HTR2A: variants seen among roughly 807,000 people sequenced by gnomAD.
The protein encoded by HTR2A is 5-HT2 receptor.
A neutral mutation model predicts 31.0 loss-of-function variants in HTR2A; 14 were observed. The observed-to-expected ratio is 0.45, with a 90% CI of 0.30 to 0.71. The LOEUF is 0.71. Ranked by LOEUF, HTR2A falls within the 30% of genes least tolerant of loss-of-function variation. HTR2A has a pLI of 0.09. For synonymous variants in HTR2A, 209 were observed against 225.2 expected, an observed-to-expected ratio of 0.93 and a Z score of 0.64; for missense variants, 442 against 573.3, an observed-to-expected ratio of 0.77 and a Z score of 2.34.
At chr13:46,889,845 ATT>A (rs1281362215) in intron 3 of HTR2A, among the ~76,000 whole-genome samples, 7 of 152,250 alleles carry the variant, frequency 4.6e-5, no homozygotes, top group Non-Finnish European at 7.3e-5. Flanking sequence ...TAGGTCCTTC[ATT>A]AGATCTGCCT....
chr13:46,878,712 A>C (rs190026496), intron 3 of HTR2A, among the ~76,000 whole-genome samples: 16 of 152,328 alleles, frequency 1.1e-4, no homozygotes. Flanking sequence ...ATGTGAAGAA[A>C]TCAGTCCACA....
At position 46,896,823 on chromosome 13, in the gene HTR2A, A is replaced by G; in HGVS notation, c.-478T>C. 6.5e-7 allele frequency: 1 copy of G among 1,536,864 alleles called. No homozygotes were observed. The highest frequency in any genetic ancestry group is 8.7e-7 in the Non-Finnish European group (1 of 1,146,722). ...ATTTGGTTTCTGTTTTGCTGACTTC[A>G]AAAACTGCATGCAAGAGCTGAGCCA... On this transcript the variant is annotated 5_prime_UTR_variant, in exon 1 of 4. Transcript: ENST00000542664.
chr13:46,847,226 GC>G (rs1244545538), intron 3 of HTR2A, among the ~76,000 whole-genome samples: 1 of 152,194 alleles, frequency 6.6e-6, no homozygotes, highest in Non-Finnish European at 1.5e-5. Flanking sequence ...GAGCGGGGGT[GC>G]CTCTTTCAAA....
chr13:46,887,314 T>C lies in HTR2A; in HGVS notation c.613+5076A>G, dbSNP rs1593444530. On this transcript the variant is annotated intron_variant, in intron 3 of 3. Transcript: ENST00000542664. Reference sequence around the variant, plus strand: ...GGCGGGCGCCTGTAGTCCCAGCTACTTGGGAGGCTGAGGCAGGAGAATGGC... The same window carrying C: ...GGCGGGCGCCTGTAGTCCCAGCTACCTGGGAGGCTGAGGCAGGAGAATGGC... Among the ~76,000 whole-genome samples the C allele has an allele frequency of 1.3e-5, 2 of 150,328 alleles. 1 individual carries two copies. Among genetic ancestry groups the C allele is most frequent in the South Asian group, 4.2e-4 (2 of 4,740 alleles).
chr13:46,882,967 G>C (rs1045316537), intron 3 of HTR2A, among the ~76,000 whole-genome samples: 2 of 152,190 alleles, frequency 1.3e-5, no homozygotes, highest in Non-Finnish European at 2.9e-5. Flanking sequence ...GAGAGGTGAA[G>C]TAACTTGCCC....
At position 46,832,462 on chromosome 13, in the gene HTR2A, T is replaced by C. The variant is rs1161575566; in HGVS notation, c.*2375A>G. 1.3e-5 allele frequency: 2 copies of C among 152,206 alleles called. No individual in the cohort carries two copies. The highest frequency in any genetic ancestry group is 3.8e-4 in the East Asian group (2 of 5,206). The allele number at this position is 152,206 out of a possible 1,614,324, so 9.4% of individuals were successfully genotyped here. On this transcript the variant is annotated 3_prime_UTR_variant, in exon 4 of 4. Coordinates refer to ENST00000542664, the MANE Select transcript of HTR2A (RefSeq NM_000621.5). ...ATACACATTTGTAATATATAGGTAGTCAAAAGACATCTATCAGGCAACATT... is the reference window on the plus strand; with the variant it reads ...ATACACATTTGTAATATATAGGTAGCCAAAAGACATCTATCAGGCAACATT...
chr13:46,857,699 G>A (rs1201768968), intron 3 of HTR2A, among the ~76,000 whole-genome samples: 1 of 152,148 alleles, frequency 6.6e-6, no homozygotes, highest in Non-Finnish European at 1.5e-5. Context: ...AAAACAAGAA[G>A]GGCTTATTCA....
At chr13:46,865,847 A>G (rs1349845942) in intron 3 of HTR2A, among the ~76,000 whole-genome samples, 2 of 152,198 alleles carry the variant, frequency 1.3e-5, no homozygotes, top group Non-Finnish European at 2.9e-5. Flanking sequence ...TCTCCTGTGT[A>G]GGATACTGAT....
At chr13:46,861,775 G>A (rs928325882) in intron 3 of HTR2A, among the ~76,000 whole-genome samples, 1 of 152,178 alleles carries the variant, frequency 6.6e-6, no homozygotes, top group African/African-American at 2.4e-5. Flanking sequence ...CTAAGAGTTG[G>A]AAGAGATCAT....
At chr13:46,855,424 T>C (rs1271180082) in intron 3 of HTR2A, among the ~76,000 whole-genome samples, 1 of 152,134 alleles carries the variant, frequency 6.6e-6, no homozygotes, top group Non-Finnish European at 1.5e-5. Flanking sequence ...GGGTGGAGCT[T>C]TGTGTGAGAC....
At chr13:46,857,401 T>G (rs1266954502) in intron 3 of HTR2A, among the ~76,000 whole-genome samples, 2 of 152,036 alleles carry the variant, frequency 1.3e-5, no homozygotes. Flanking sequence ...TTTGCCCATT[T>G]CATAAATGGC....
intron 3 of HTR2A, among the ~76,000 whole-genome samples, chr13:46,867,778 C>A (rs569672653): frequency 6.6e-6 from 1 of 152,160 alleles, no homozygotes; most frequent in African/African-American, 2.4e-5. Flanking sequence ...AAGAAAGTGG[C>A]GATACTCTGG....
intron 3 of HTR2A, among the ~76,000 whole-genome samples, chr13:46,872,563 T>G (rs2138228676): frequency 6.6e-6 from 1 of 152,302 alleles, no homozygotes; most frequent in African/African-American, 2.4e-5. Flanking sequence ...TTATGATTTG[T>G]TATGTCTGTT....
intron 3 of HTR2A, among the ~76,000 whole-genome samples, chr13:46,857,374 T>C (rs73475716): frequency 0.1 from 15,685 of 151,606 alleles, 914 homozygotes; most frequent in African/African-American, 0.15. Context: ...GCAGATTCAG[T>C]GTCTAATGAG....
Position 46,896,846 on chromosome 13 carries a change from C to T in HTR2A, c.-501G>A. The T allele has an allele frequency of 6.5e-7, 1 of 1,536,208 alleles. No homozygotes were observed. The highest frequency in any genetic ancestry group is 8.7e-7 in the Non-Finnish European group (1 of 1,146,376). ...TCAAAAACTGCATGCAAGAGCTGAGCCAGCTCCCGCACTGCTAGGATCCTG... is the reference window on the plus strand; with the variant it reads ...TCAAAAACTGCATGCAAGAGCTGAGTCAGCTCCCGCACTGCTAGGATCCTG... On this transcript the variant is annotated 5_prime_UTR_variant, in exon 1 of 4. Coordinates refer to ENST00000542664, the MANE Select transcript of HTR2A (RefSeq NM_000621.5).
At chr13:46,856,683 G>A (rs1002467559) in intron 3 of HTR2A, among the ~76,000 whole-genome samples, 1 of 152,116 alleles carries the variant, frequency 6.6e-6, no homozygotes, top group Non-Finnish European at 1.5e-5. Context: ...TTCTATCCTG[G>A]GATGAAAGTC....
chr13:46,877,081 T>TG (rs1489338505), intron 3 of HTR2A, among the ~76,000 whole-genome samples: 1 of 152,222 alleles, frequency 6.6e-6, no homozygotes, highest in African/African-American at 2.4e-5. Context: ...GACTGTGGAA[T>TG]GTGGGGACTC....
At position 46,838,843 on chromosome 13, in the gene HTR2A, G is replaced by C. The variant is rs958469056; in HGVS notation, c.614-3204C>G. On this transcript the variant is annotated intron_variant, in intron 3 of 3. Coordinates refer to ENST00000542664, the MANE Select transcript of HTR2A (RefSeq NM_000621.5). ...AATACAAAGGAAGTAACTACCTTGAGAGCCTTTTGCCCTATTTGCTTATAA... is the reference window on the plus strand; with the variant it reads ...AATACAAAGGAAGTAACTACCTTGACAGCCTTTTGCCCTATTTGCTTATAA... 2.0e-5 allele frequency among the ~76,000 whole-genome samples: 3 copies of C among 152,236 alleles called. No homozygotes were observed. The East Asian group carries it at 5.8e-4, about 29-fold the overall frequency.
chr13:46,859,809 T>A (rs887639409), intron 3 of HTR2A, among the ~76,000 whole-genome samples: 16 of 152,272 alleles, frequency 1.1e-4, no homozygotes, highest in Middle Eastern at 3.4e-3. Context: ...TTTACGGCAA[T>A]GCAAGAGTGG....
Sources: allele counts gnomAD v4.1 joint callset (sites outside exome capture counted in the v4.1 genomes callset), GRCh38; gene constraint gnomAD v4.1.1; transcripts MANE v1.5; gene names NCBI Gene and HGNC (gene_info 2026-07-23, HGNC 2026-07-21).